Variants in GRHL2 observed in about 807,000 individuals in gnomAD.
The protein encoded by GRHL2 is grainyhead like transcription factor 2.
In GRHL2, 21 loss-of-function variants were observed where a neutral mutation model predicts 83.8. That is an observed-to-expected ratio of 0.25 (90% CI 0.18 to 0.36). The LOEUF (loss-of-function observed/expected upper bound fraction) is 0.36, where lower values mean the gene tolerates loss of function less well. Among genes scored for constraint, GRHL2 ranks in the 10% least tolerant of loss-of-function variants. GRHL2 has a pLI of 1.00. For missense variants in GRHL2, 623 were observed against 781.8 expected (o/e 0.80, Z 2.42); for synonymous variants, 280 against 278.9 (o/e 1.00, Z -0.04).
chr8:101,659,136 A>G (rs903146856), intron 14 of GRHL2, among the ~76,000 whole-genome samples: 5 of 152,236 alleles, frequency 3.3e-5, no homozygotes, highest in Non-Finnish European at 5.9e-5. Flanking sequence ...CATGCATTAA[A>G]TATGATCTAT....
chr8:101,522,740 T>TATACATATACATATACATATAC (rs1466161029), intron 1 of GRHL2, among the ~76,000 whole-genome samples: 20 of 130,240 alleles, frequency 1.5e-4, no homozygotes, highest in African/African-American at 6.2e-4. Flanking sequence ...TACATATACA[T>TATACATATACATATACATATAC]ATATATATAT....
At chr8:101,636,496 G>T (rs1586161024) in intron 11 of GRHL2, among the ~76,000 whole-genome samples, 1 of 152,086 alleles carries the variant, frequency 6.6e-6, no homozygotes, top group South Asian at 2.1e-4. Flanking sequence ...TACACAGGGG[G>T]CAGGAAAGGA....
intron 4 of GRHL2, among the ~76,000 whole-genome samples, chr8:101,565,912 A>C (rs1811708310): frequency 6.6e-6 from 1 of 152,216 alleles, no homozygotes; most frequent in Non-Finnish European, 1.5e-5. Context: ...AGTAATGACT[A>C]TTTGTCATTA....
At chr8:101,678,735 G>C in the GRHL2 span, among the ~76,000 whole-genome samples, 4 of 152,076 alleles carry the variant, frequency 2.6e-5, no homozygotes, top group Non-Finnish European at 5.9e-5. Context: ...CTGGAGATCT[G>C]AGAACGGGCA....
intron 2 of GRHL2, among the ~76,000 whole-genome samples, chr8:101,546,656 T>C (rs1811272143): frequency 1.3e-5 from 2 of 152,170 alleles, no homozygotes; most frequent in Non-Finnish European, 2.9e-5. Context: ...CTTCGAGTGA[T>C]CCACCGGCCT....
At position 101,615,632 on chromosome 8, in the gene GRHL2, A is replaced by G. The variant is rs935768685; in HGVS notation, c.1099-3907A>G. On this transcript the variant is annotated intron_variant, in intron 8 of 15. Coordinates refer to ENST00000646743, the MANE Select transcript of GRHL2 (RefSeq NM_024915.4). ...GTGATCATTTGCTTTGCTGACATACAACTGCATTTTATACACTCTGGCCAA... is the reference window on the plus strand; with the variant it reads ...GTGATCATTTGCTTTGCTGACATACGACTGCATTTTATACACTCTGGCCAA... Among the ~76,000 whole-genome samples, 4 of 152,204 alleles carry G rather than the reference A, an allele frequency of 2.6e-5. No individual in the cohort carries two copies. The South Asian group carries it at 8.3e-4, about 32-fold the overall frequency.
At chr8:101,546,496 G>T (rs1163195835) in intron 2 of GRHL2, among the ~76,000 whole-genome samples, 1 of 150,822 alleles carries the variant, frequency 6.6e-6, no homozygotes, top group Non-Finnish European at 1.5e-5. Flanking sequence ...TGTAACCTCT[G>T]TCTCCCGAGT....
At chr8:101,512,748 C>A (rs1810490996) in intron 1 of GRHL2, among the ~76,000 whole-genome samples, 1 of 152,192 alleles carries the variant, frequency 6.6e-6, no homozygotes, top group South Asian at 2.1e-4. Flanking sequence ...GCAGAGGATG[C>A]TTTCAGTATT....
At chr8:101,546,037 A>G (rs1012326855) in intron 2 of GRHL2, among the ~76,000 whole-genome samples, 1 of 151,798 alleles carries the variant, frequency 6.6e-6, no homozygotes, top group Non-Finnish European at 1.5e-5. Flanking sequence ...ACACTCTACC[A>G]TGACCAGCTA....
At chr8:101,585,078 A>G (rs956243316) in intron 7 of GRHL2, among the ~76,000 whole-genome samples, 33 of 151,934 alleles carry the variant, frequency 2.2e-4, no homozygotes, top group Admixed American at 1.1e-3. Flanking sequence ...CAGGTAGCCA[A>G]GTGGCCAGGT....
At chr8:101,563,390 G>C (rs1811648085) in intron 4 of GRHL2, among the ~76,000 whole-genome samples, 1 of 151,904 alleles carries the variant, frequency 6.6e-6, no homozygotes, top group Admixed American at 6.6e-5. Context: ...TGAGCAAAGA[G>C]TACAAAAGGT....
At chr8:101,540,830 TA>T (rs1811137602) in intron 1 of GRHL2, among the ~76,000 whole-genome samples, 1 of 152,214 alleles carries the variant, frequency 6.6e-6, no homozygotes, top group Non-Finnish European at 1.5e-5. Flanking sequence ...TTTATTTCTA[TA>T]TTTTTCATTT....
intron 7 of GRHL2, among the ~76,000 whole-genome samples, chr8:101,580,178 A>C (rs1337420308): frequency 6.6e-6 from 1 of 152,068 alleles, no homozygotes; most frequent in Non-Finnish European, 1.5e-5. Context: ...TTTTAAATTG[A>C]TACATAATAA....
At chr8:101,580,756 TG>T (rs765787189) in intron 7 of GRHL2, among the ~76,000 whole-genome samples, 12 of 152,126 alleles carry the variant, frequency 7.9e-5, no homozygotes, top group Non-Finnish European at 1.5e-4. Flanking sequence ...CAGGCTGGAG[TG>T]CGGTGGCATG....
chr8:101,501,372 C>G (rs143927621), intron 1 of GRHL2, among the ~76,000 whole-genome samples: 1 of 152,180 alleles, frequency 6.6e-6, no homozygotes, highest in Non-Finnish European at 1.5e-5. Context: ...TTGGCGCCAG[C>G]CTTTCATCTG....
At chr8:101,525,194 T>G (rs1810780249) in intron 1 of GRHL2, among the ~76,000 whole-genome samples, 1 of 152,118 alleles carries the variant, frequency 6.6e-6, no homozygotes, top group Admixed American at 6.5e-5. Flanking sequence ...CTGCCTGCCT[T>G]GGCCTCCCAA....
intron 1 of GRHL2, 169 bp downstream of exon 1, chr8:101,492,958 A>C: frequency 1.4e-6 from 1 of 693,932 alleles, no homozygotes; most frequent in Non-Finnish European, 2.6e-6. Context: ...TACCCTGATT[A>C]AGGGGAGAAA....
At chr8:101,577,634 C>G (rs969861400) in intron 7 of GRHL2, 115 bp downstream of exon 7, 1 of 740,426 alleles carries the variant, frequency 1.4e-6, no homozygotes, top group Non-Finnish European at 2.4e-6. Flanking sequence ...TTATGATGTG[C>G]CCGGCACTAG....
At chr8:101,660,385 G>A (rs4734571) in intron 14 of GRHL2, among the ~76,000 whole-genome samples, 38,122 of 151,924 alleles carry the variant, frequency 0.25, 5,098 homozygotes, top group African/African-American at 0.32. Flanking sequence ...GATTGGTATG[G>A]TCACCCATCA....
Sources: gnomAD v4.1 joint callset for allele counts (sites outside exome capture counted in the v4.1 genomes callset) on GRCh38, gnomAD v4.1.1 for gene constraint, MANE v1.5 for transcripts, NCBI Gene and HGNC (gene_info 2026-07-23, HGNC 2026-07-21) for gene names.